Variants in ELAVL2 observed in about 807,000 individuals in gnomAD.
The protein encoded by ELAVL2 is ELAV like RNA binding protein 2.
A neutral mutation model predicts 34.6 loss-of-function variants in ELAVL2; 4 were observed. That is an observed-to-expected ratio of 0.12 (90% CI 0.06 to 0.26). The LOEUF is 0.26. Ranked by LOEUF, ELAVL2 falls within the 10% of genes least tolerant of loss-of-function variation. ELAVL2 has a pLI of 1.00. For synonymous variants in ELAVL2, 193 were observed against 154.8 expected, an observed-to-expected ratio of 1.25 and a Z score of -1.83; for missense variants, 432 against 442.8, an observed-to-expected ratio of 0.98 and a Z score of 0.22.
At chr9:23,698,813 G>C (rs1398986562) in intron 5 of ELAVL2, among the ~76,000 whole-genome samples, 2 of 152,110 alleles carry the variant, frequency 1.3e-5, no homozygotes, top group Non-Finnish European at 2.9e-5. Flanking sequence ...TTAAAGAAAA[G>C]CATCAAACAT....
chr9:23,847,203 A>C, the ELAVL2 span: 1 of 152,092 alleles, frequency 6.6e-6, no homozygotes, highest in Non-Finnish European at 1.5e-5. Flanking sequence ...AGAAACAATA[A>C]ATGAAGATTA....
At chr9:23,751,431 T>C (rs2052001536) in intron 2 of ELAVL2, among the ~76,000 whole-genome samples, 1 of 152,130 alleles carries the variant, frequency 6.6e-6, no homozygotes, top group Non-Finnish European at 1.5e-5. Context: ...AGAAATGCTT[T>C]AGATGTTTTC....
intron 1 of ELAVL2, among the ~76,000 whole-genome samples, chr9:23,771,986 T>C (rs763429921): frequency 1.3e-5 from 2 of 152,182 alleles, no homozygotes; most frequent in Non-Finnish European, 2.9e-5. Flanking sequence ...CATGCCATTA[T>C]TTGGCAATAG....
intron 5 of ELAVL2, among the ~76,000 whole-genome samples, chr9:23,700,321 C>G (rs2036745332): frequency 6.6e-6 from 1 of 152,184 alleles, no homozygotes; most frequent in African/African-American, 2.4e-5. Flanking sequence ...AACTGCATGA[C>G]TTGCTTATGA....
intron 2 of ELAVL2, among the ~76,000 whole-genome samples, chr9:23,746,123 G>C (rs1040567076): frequency 4.6e-5 from 7 of 152,070 alleles, no homozygotes; most frequent in Non-Finnish European, 1.0e-4. Flanking sequence ...ACACAAATAT[G>C]AGTAAATTGT....
At chr9:23,787,114 T>A (rs1051011467) in intron 1 of ELAVL2, among the ~76,000 whole-genome samples, 1 of 151,988 alleles carries the variant, frequency 6.6e-6, no homozygotes, top group African/African-American at 2.4e-5. Context: ...ATATGAGCAT[T>A]TGGAAAAGGA....
chr9:23,777,235 T>A (rs1381936651), intron 1 of ELAVL2, among the ~76,000 whole-genome samples: 1 of 152,224 alleles, frequency 6.6e-6, no homozygotes, highest in African/African-American at 2.4e-5. Context: ...TATCATCCAC[T>A]ACTTTAATCT....
At chr9:23,845,614 T>C in the ELAVL2 span, among the ~76,000 whole-genome samples, 1 of 151,402 alleles carries the variant, frequency 6.6e-6, no homozygotes, top group Admixed American at 6.6e-5. Context: ...ATTATCTGAC[T>C]TAAAAAAAAA....
chr9:23,725,693 A>G (rs2044945723), intron 3 of ELAVL2, among the ~76,000 whole-genome samples: 1 of 152,200 alleles, frequency 6.6e-6, no homozygotes, highest in African/African-American at 2.4e-5. Flanking sequence ...AAATCCCCAT[A>G]TAAAGTTTAC....
chr9:23,832,918 A>G, the ELAVL2 span, among the ~76,000 whole-genome samples: 1 of 152,136 alleles, frequency 6.6e-6, no homozygotes, highest in Admixed American at 6.5e-5. Context: ...TTGAATTAAA[A>G]ACAATTATAA....
At chr9:23,737,549 A>G (rs1401149667) in intron 2 of ELAVL2, among the ~76,000 whole-genome samples, 4 of 152,246 alleles carry the variant, frequency 2.6e-5, no homozygotes, top group East Asian at 3.8e-4. Flanking sequence ...ATGTCAGCAT[A>G]TAATTTTGTT....
intron 1 of ELAVL2, among the ~76,000 whole-genome samples, chr9:23,794,665 A>G (rs918964190): frequency 1.3e-5 from 2 of 152,214 alleles, no homozygotes; most frequent in African/African-American, 4.8e-5. Context: ...AATTACACAA[A>G]GCTTGTACAA....
At chr9:23,820,455 C>G (rs1421795767) in intron 1 of ELAVL2, among the ~76,000 whole-genome samples, 1 of 152,158 alleles carries the variant, frequency 6.6e-6, no homozygotes, top group Non-Finnish European at 1.5e-5. Context: ...CCCATGTTTT[C>G]AGAAAATGTA....
chr9:23,792,621 C>G (rs150285259), intron 1 of ELAVL2, among the ~76,000 whole-genome samples: 1 of 152,210 alleles, frequency 6.6e-6, no homozygotes, highest in African/African-American at 2.4e-5. Context: ...TGTATACATA[C>G]AGACCTTCAT....
intron 1 of ELAVL2, among the ~76,000 whole-genome samples, chr9:23,778,782 C>CA (rs1331964932): frequency 2.0e-5 from 3 of 152,018 alleles, no homozygotes; most frequent in Admixed American, 6.6e-5. Flanking sequence ...ATATGCATAA[C>CA]AAAAAATGAG....
chr9:23,764,530 A>G (rs1308838328), intron 1 of ELAVL2, among the ~76,000 whole-genome samples: 1 of 152,182 alleles, frequency 6.6e-6, no homozygotes, highest in Admixed American at 6.6e-5. Flanking sequence ...GATAGGCTCA[A>G]CACAACTGTT....
chr9:23,730,235 A>G (rs910819399), intron 3 of ELAVL2, among the ~76,000 whole-genome samples: 3 of 152,154 alleles, frequency 2.0e-5, no homozygotes, highest in African/African-American at 7.2e-5. Flanking sequence ...GAATTAGATT[A>G]GCTCCCTCTC....
chr9:23,824,785 T>A (rs2065185729), intron 1 of ELAVL2, among the ~76,000 whole-genome samples: 1 of 152,160 alleles, frequency 6.6e-6, no homozygotes, highest in Non-Finnish European at 1.5e-5. Context: ...TCTGCCCAGC[T>A]TGTCATCCCC....
At chr9:23,743,470 TG>T (rs1370309798) in intron 2 of ELAVL2, among the ~76,000 whole-genome samples, 2 of 152,180 alleles carry the variant, frequency 1.3e-5, no homozygotes, top group Non-Finnish European at 2.9e-5. Flanking sequence ...AAAAGTAATG[TG>T]GCACCATCCA....
Sources: allele counts gnomAD v4.1 joint callset (sites outside exome capture counted in the v4.1 genomes callset), GRCh38; gene constraint gnomAD v4.1.1; transcripts MANE v1.5; gene names NCBI Gene and HGNC (gene_info 2026-07-23, HGNC 2026-07-21).